ENPP2: variants seen among roughly 807,000 people sequenced by gnomAD.
The protein encoded by ENPP2 is ectonucleotide pyrophosphatase/phosphodiesterase 2.
Under a neutral mutation model 120.2 loss-of-function variants are expected in ENPP2, and 51 were observed. That is an observed-to-expected ratio of 0.42 (90% CI 0.34 to 0.54). The LOEUF (loss-of-function observed/expected upper bound fraction) is 0.54, where lower values mean the gene tolerates loss of function less well. ENPP2 is among the 20% of genes least tolerant of loss of function. The pLI, the probability that ENPP2 is intolerant of heterozygous loss-of-function variation, is 0.04. For synonymous variants in ENPP2, 365 were observed against 366.4 expected (o/e 1.00, Z 0.04); for missense variants, 920 against 1,066.5 (o/e 0.86, Z 1.91).
At chr8:119,576,991 T>C (rs1812386242) in intron 19 of ENPP2, among the ~76,000 whole-genome samples, 1 of 152,242 alleles carries the variant, frequency 6.6e-6, no homozygotes, top group Non-Finnish European at 1.5e-5. Context: ...TGGTTTAACA[T>C]ACCTCTTTTT....
At chr8:119,646,339 A>G (rs1246362599) in intron 1 of ENPP2, among the ~76,000 whole-genome samples, 1 of 152,166 alleles carries the variant, frequency 6.6e-6, no homozygotes, top group Non-Finnish European at 1.5e-5. Context: ...TGGTCCCTGG[A>G]TGAGCAGGGT....
chr8:119,571,617 T>C lies in ENPP2; in HGVS notation c.1781-776A>G, dbSNP rs1254304130. 4 of 152,218 alleles carry C rather than the reference T, an allele frequency of 2.6e-5. No individual in the cohort carries two copies. The East Asian group carries it at 7.7e-4, about 29-fold the overall frequency. 9.4% of individuals were successfully genotyped at this position (152,218 alleles called of 1,614,324 possible). On this transcript the variant is annotated intron_variant, in intron 19 of 24. Transcript: ENST00000075322. Reference sequence around the variant, plus strand: ...CATTCCACACTCTGCAATAAATACCTGGAGCTTGATCTGCCCACTTTGGAT... The same window carrying C: ...CATTCCACACTCTGCAATAAATACCCGGAGCTTGATCTGCCCACTTTGGAT...
intron 2 of ENPP2, among the ~76,000 whole-genome samples, chr8:119,627,864 A>AT (rs1563751204): frequency 1.3e-5 from 1 of 79,616 alleles, no homozygotes; most frequent in African/African-American, 7.7e-5. Flanking sequence ...TCCGTCTTAA[A>AT]AATATATATA....
At chr8:119,657,642 C>T (rs1488794322) in intron 1 of ENPP2, among the ~76,000 whole-genome samples, 2 of 152,202 alleles carry the variant, frequency 1.3e-5, no homozygotes. Flanking sequence ...CTAGCATCAG[C>T]CTAACCTCTC....
intron 20 of ENPP2, among the ~76,000 whole-genome samples, 199 bp downstream of exon 20, chr8:119,570,506 T>G (rs1814876301): frequency 2.0e-5 from 3 of 152,194 alleles, no homozygotes; most frequent in African/African-American, 7.2e-5. Context: ...CTTCAAAGTT[T>G]AACATATTCC....
At chr8:119,622,543 T>G (rs1045445050) in intron 3 of ENPP2, among the ~76,000 whole-genome samples, 1 of 152,020 alleles carries the variant, frequency 6.6e-6, no homozygotes, top group South Asian at 2.1e-4. Context: ...GAGTGCTGTG[T>G]TTTTTGACTT....
intron 24 of ENPP2, 113 bp from the exon 25 acceptor site, chr8:119,557,804 C>T (rs1289956607): frequency 5.7e-5 from 47 of 825,250 alleles, no homozygotes; most frequent in Non-Finnish European, 8.4e-5. Context: ...CACACAGAGC[C>T]AACGCATGTT....
At chr8:119,608,829 T>C (rs768088002) in intron 8 of ENPP2, among the ~76,000 whole-genome samples, 4 of 152,236 alleles carry the variant, frequency 2.6e-5, no homozygotes, top group Non-Finnish European at 4.4e-5. Context: ...TAAACCAGTG[T>C]CTTAACATCT....
intron 7 of ENPP2, among the ~76,000 whole-genome samples, chr8:119,616,723 T>G (rs889320463): frequency 7.2e-5 from 11 of 152,188 alleles, no homozygotes; most frequent in Non-Finnish European, 1.5e-4. Flanking sequence ...AGCTTCTATT[T>G]CTAAATACAC....
At chr8:119,664,543 ATGT>A (rs1297193833) in intron 1 of ENPP2, among the ~76,000 whole-genome samples, 4 of 152,236 alleles carry the variant, frequency 2.6e-5, no homozygotes, top group African/African-American at 9.6e-5. Context: ...AAGTGAAATA[ATGT>A]TGTACTGAGT....
intron 1 of ENPP2, among the ~76,000 whole-genome samples, chr8:119,666,035 A>T (rs779069805): frequency 2.6e-5 from 4 of 152,228 alleles, no homozygotes; most frequent in Non-Finnish European, 4.4e-5. Context: ...TTTGAAAAAT[A>T]TATAATGGCA....
At chr8:119,641,647 A>G (rs536611234), upstream of ENPP2, among the ~76,000 whole-genome samples, 1 of 152,358 alleles carries the variant, frequency 6.6e-6, no homozygotes, top group South Asian at 2.1e-4. Flanking sequence ...GTGGTTTTCA[A>G]ATTTTATTGG....
intron 8 of ENPP2, 111 bp from the exon 9 acceptor site, chr8:119,608,088 C>A (rs1587466564): frequency 3.5e-6 from 2 of 568,526 alleles, no homozygotes; most frequent in South Asian, 3.1e-5. Context: ...CACACCCCAA[C>A]ATAAATTTTC....
At position 119,562,816 on chromosome 8, in the gene ENPP2, C is replaced by A. The variant is rs555830043; in HGVS notation, c.2421+41G>T. The A allele has an allele frequency of 1.9e-6, 3 of 1,585,726 alleles. No homozygotes were observed. In the Admixed American group the frequency reaches 5.2e-5, roughly 27 times the overall value. On this transcript the variant is annotated intron_variant, in intron 24 of 24. Transcript: ENST00000075322. ...ATATAAAGTAAGAAACGAAGGTGAA[C>A]TATGGAAGCAAATCCTAAAGGACTC...
At chr8:119,616,473 T>C in intron 7 of ENPP2, 89 bp from the exon 8 acceptor site, 3 of 950,390 alleles carry the variant, frequency 3.2e-6, no homozygotes, top group South Asian at 3.8e-5. Flanking sequence ...GCATAGAAGG[T>C]TTTATAGCAA....
intron 11 of ENPP2, among the ~76,000 whole-genome samples, chr8:119,594,808 TTAAGA>T (rs150938963): frequency 0.03 from 4,624 of 152,292 alleles, 205 homozygotes; most frequent in African/African-American, 0.1. Context: ...CCCAAGATGA[TTAAGA>T]TAAGAACAGA....
chr8:119,630,195 G>A (rs780154910), intron 2 of ENPP2, among the ~76,000 whole-genome samples: 7 of 149,184 alleles, frequency 4.7e-5, no homozygotes, highest in African/African-American at 1.7e-4. Context: ...TGCAACCTCT[G>A]CCTCCCGGGT....
chr8:119,598,538 CTTAT>C (rs1051218088), intron 11 of ENPP2, among the ~76,000 whole-genome samples: 18 of 152,240 alleles, frequency 1.2e-4, no homozygotes, highest in East Asian at 3.9e-4. Flanking sequence ...TTCAAAAAAA[CTTAT>C]TTGTTTCTTA....
At chr8:119,607,819 T>C in intron 9 of ENPP2, 103 bp downstream of exon 9, 1 of 746,036 alleles carries the variant, frequency 1.3e-6, no homozygotes, top group Non-Finnish European at 2.2e-6. Flanking sequence ...AAAAGTTCTA[T>C]ATTTTCACAT....
Sources: allele counts gnomAD v4.1 joint callset (sites outside exome capture counted in the v4.1 genomes callset), GRCh38; gene constraint gnomAD v4.1.1; transcripts MANE v1.5; gene names NCBI Gene and HGNC (gene_info 2026-07-23, HGNC 2026-07-21).